Variants in G3BP2 observed in about 807,000 individuals in gnomAD.
G3BP2 encodes the protein G3BP stress granule assembly factor 2.
In G3BP2, 11 loss-of-function variants were observed where a neutral mutation model predicts 56.7. That is an observed-to-expected ratio of 0.19 (90% CI 0.12 to 0.32). G3BP2 has a LOEUF of 0.32. G3BP2 is among the 10% of genes least tolerant of loss of function. G3BP2 has a pLI of 1.00. For synonymous variants in G3BP2, 165 were observed against 191.6 expected (o/e 0.86, Z 1.15); for missense variants, 340 against 610.9 (o/e 0.56, Z 4.67).
intron 3 of G3BP2, among the ~76,000 whole-genome samples, chr4:75,690,064 T>C (rs577401513): frequency 3.3e-5 from 5 of 152,322 alleles, no homozygotes; most frequent in South Asian, 2.1e-4. Context: ...AAATATGTTA[T>C]ATTTCAGGAA....
intron 6 of G3BP2, 105 bp from the exon 7 acceptor site, chr4:75,655,351 T>C (rs1732013655): frequency 1.2e-6 from 1 of 806,384 alleles, no homozygotes; most frequent in African/African-American, 1.7e-5. Flanking sequence ...CAATAACTTG[T>C]TCTAGATCTA....
chr4:75,645,781 GATAAGC>G, intron 11 of G3BP2, 79 bp from the exon 12 acceptor site: 2 of 1,295,956 alleles, frequency 1.5e-6, no homozygotes, highest in Non-Finnish European at 2.2e-6. Context: ...AGGTCAGTCA[GATAAGC>G]ATAAGGAATA....
chr4:75,645,171 T>C lies in G3BP2; in HGVS notation c.*259A>G, dbSNP rs1479010719. On this transcript the variant is annotated 3_prime_UTR_variant, in exon 12 of 12. Coordinates refer to ENST00000359707, the MANE Select transcript of G3BP2 (RefSeq NM_203505.3). ...TGGGCATGTCCTTTTAAGTTCACTT[T>C]GTCGTAGATAGTTTAAGATATGGTC... is the stretch of plus-strand genomic sequence containing the variant. 6.8e-6 allele frequency: 3 copies of C among 438,566 alleles called. No individual in the cohort carries two copies. In the East Asian group the frequency reaches 1.2e-4, roughly 17 times the overall value. 27.2% of individuals were successfully genotyped at this position (438,566 alleles called of 1,614,324 possible).
At chr4:75,720,286 G>A (rs747662063) in intron 3 of G3BP2, among the ~76,000 whole-genome samples, 8 of 150,760 alleles carry the variant, frequency 5.3e-5, no homozygotes, top group Non-Finnish European at 8.9e-5. Context: ...AGGCCGAGGC[G>A]GGCGGATCAC....
intron 2 of G3BP2, among the ~76,000 whole-genome samples, chr4:75,722,117 G>A (rs1329855624): frequency 6.6e-6 from 1 of 151,958 alleles, no homozygotes; most frequent in Non-Finnish European, 1.5e-5. Flanking sequence ...AGTAGAAGTG[G>A]ATTAATATGT....
intron 3 of G3BP2, among the ~76,000 whole-genome samples, chr4:75,697,214 C>T (rs1719152545): frequency 7.3e-6 from 1 of 136,596 alleles, no homozygotes; most frequent in South Asian, 2.3e-4. Flanking sequence ...GCGGAGCTTG[C>T]AGTGAGCCGA....
rs1321905863 is a variant in G3BP2 at position 75,644,485 on chromosome 4, T to C, written c.*945A>G. The C allele has an allele frequency of 1.3e-5, 2 of 152,624 alleles. No homozygotes were observed. The highest frequency in any genetic ancestry group is 2.9e-5 in the Non-Finnish European group (2 of 68,036). The allele number at this position is 152,624 out of a possible 1,614,324, so 9.5% of individuals were successfully genotyped here. A position where few individuals can be genotyped will look rare whatever the true frequency, so the allele number is the denominator to read the frequency against. ...CTTTGCAGCACAGCAATTCATACACTATACTGTACAAAATTACCAGCAAGA... is the reference window on the plus strand; with the variant it reads ...CTTTGCAGCACAGCAATTCATACACCATACTGTACAAAATTACCAGCAAGA... On this transcript the variant is annotated 3_prime_UTR_variant, in exon 12 of 12. Transcript: ENST00000359707.
chr4:75,671,820 C>G (rs2149043893), intron 1 of G3BP2, among the ~76,000 whole-genome samples: 1 of 152,366 alleles, frequency 6.6e-6, no homozygotes, highest in South Asian at 2.1e-4. Context: ...TACCGTTTAT[C>G]TCCTAAGACC....
chr4:75,658,061 T>C (rs1001265550), intron 3 of G3BP2, among the ~76,000 whole-genome samples: 3 of 152,214 alleles, frequency 2.0e-5, no homozygotes, highest in African/African-American at 4.8e-5. Flanking sequence ...CTATTTTTTG[T>C]CTACTTATAA....
chr4:75,695,986 AAAAAAAAAAAAAAAAG>A (rs1038907995), intron 3 of G3BP2, among the ~76,000 whole-genome samples: 3 of 125,078 alleles, frequency 2.4e-5, no homozygotes, highest in African/African-American at 6.0e-5. Flanking sequence ...AAAAAAAAAA[AAAAAAAAAAAAAAAAG>A]AGTTAACAGA....
chr4:75,665,289 T>C (rs1732919410), intron 1 of G3BP2, among the ~76,000 whole-genome samples: 1 of 152,240 alleles, frequency 6.6e-6, no homozygotes, highest in African/African-American at 2.4e-5. Flanking sequence ...TCCCCAAATC[T>C]GTTTAAAATT....
intron 3 of G3BP2, among the ~76,000 whole-genome samples, chr4:75,690,684 A>G (rs1718819151): frequency 6.6e-6 from 1 of 151,810 alleles, no homozygotes; most frequent in African/African-American, 2.4e-5. Context: ...TTATCCTCCC[A>G]CCTCAGCCTC....
At position 75,703,000 on chromosome 4, in the gene G3BP2, C is replaced by T. The variant is rs145132775; in HGVS notation, c.-25+17877G>A. ...CCATATCAGGGAGGAGTCGAGGCTC[C>T]TAAACTCCCTCAGCTGAAGGACACT... On this transcript the variant is annotated intron_variant, in intron 3 of 3. Transcript: ENST00000499709. 1.0e-3 allele frequency among the ~76,000 whole-genome samples: 154 copies of T among 152,316 alleles called. 1 individual carries two copies. Among genetic ancestry groups the T allele is most frequent in the Non-Finnish European group, 1.9e-3 (129 of 68,028 alleles).
intron 3 of G3BP2, among the ~76,000 whole-genome samples, chr4:75,680,546 C>T (rs1460228802): frequency 6.6e-6 from 1 of 152,148 alleles, no homozygotes; most frequent in Non-Finnish European, 1.5e-5. Context: ...CGAGGCAAAC[C>T]TTCAACATCA....
intron 3 of G3BP2, among the ~76,000 whole-genome samples, chr4:75,691,239 C>A (rs546124470): frequency 6.6e-6 from 1 of 152,224 alleles, no homozygotes; most frequent in East Asian, 1.9e-4. Context: ...ACCACCCTGC[C>A]CAGGTAATTT....
At chr4:75,667,165 C>G (rs569453308) in intron 1 of G3BP2, among the ~76,000 whole-genome samples, 1 of 151,726 alleles carries the variant, frequency 6.6e-6, no homozygotes, top group Non-Finnish European at 1.5e-5. Context: ...AGTGTGCAAG[C>G]GTAGCTCCAG....
chr4:75,671,649 T>A (rs998243990), intron 1 of G3BP2, among the ~76,000 whole-genome samples: 40 of 152,376 alleles, frequency 2.6e-4, no homozygotes, highest in African/African-American at 9.4e-4. Flanking sequence ...AAGAAATTCA[T>A]TCTAGGTCCT....
chr4:75,673,560 G>T (rs1419205067), upstream of G3BP2: 2 of 1,231,930 alleles, frequency 1.6e-6, no homozygotes, highest in African/African-American at 1.6e-5. Context: ...CGCGCAGTAC[G>T]CTGCCGCGCT....
chr4:75,694,589 G>T (rs183803850), intron 3 of G3BP2, among the ~76,000 whole-genome samples: 245 of 152,268 alleles, frequency 1.6e-3, no homozygotes, highest in Non-Finnish European at 1.8e-3. Flanking sequence ...GGACGACAGG[G>T]CGAGACTCCG....
Sources: allele counts gnomAD v4.1 joint callset (sites outside exome capture counted in the v4.1 genomes callset), GRCh38; gene constraint gnomAD v4.1.1; transcripts MANE v1.5; gene names NCBI Gene and HGNC (gene_info 2026-07-23, HGNC 2026-07-21).